Variants in MTCL2 observed in about 807,000 individuals in gnomAD.
MTCL2 encodes microtubule cross-linking factor 2.
chr20:36,783,822 C>A, the MTCL2 span: 11 of 985,160 alleles, frequency 1.1e-5, no homozygotes, highest in Non-Finnish European at 4.8e-6. Context: ...TCCCCCCACC[C>A]CAAAAAAGAA....
the MTCL2 span, among the ~76,000 whole-genome samples, chr20:36,797,960 G>A: frequency 2.0e-5 from 3 of 152,128 alleles, no homozygotes; most frequent in East Asian, 1.9e-4. Flanking sequence ...TATGGATCTC[G>A]GCACTTTTTC....
At chr20:36,807,663 G>A in the MTCL2 span, among the ~76,000 whole-genome samples, 7 of 151,954 alleles carry the variant, frequency 4.6e-5, no homozygotes, top group Admixed American at 3.3e-4. Flanking sequence ...CCGCCCCCAC[G>A]TTTCCTGCCA....
the MTCL2 span, chr20:36,797,558 C>G: frequency 6.4e-7 from 1 of 1,556,882 alleles, no homozygotes; most frequent in Non-Finnish European, 8.7e-7. Context: ...ACCCAGGGGT[C>G]GGCAGCCTTC....
chr20:36,795,170 C>T, the MTCL2 span, among the ~76,000 whole-genome samples: 4 of 152,102 alleles, frequency 2.6e-5, no homozygotes, highest in Non-Finnish European at 4.4e-5. Flanking sequence ...AACTCCTGAC[C>T]TCAGGTGATC....
chr20:36,848,363 G>A, the MTCL2 span, among the ~76,000 whole-genome samples: 3 of 152,174 alleles, frequency 2.0e-5, no homozygotes, highest in Non-Finnish European at 4.4e-5. Context: ...TGCTCCCCTC[G>A]ATGGACTGAT....
At chr20:36,837,563 A>C in the MTCL2 span, among the ~76,000 whole-genome samples, 1 of 147,764 alleles carries the variant, frequency 6.8e-6, no homozygotes, top group South Asian at 2.1e-4. Flanking sequence ...TATTATTATT[A>C]TTATTATTAT....
chr20:36,798,512 G>A, the MTCL2 span, among the ~76,000 whole-genome samples: 216 of 152,322 alleles, frequency 1.4e-3, no homozygotes, highest in Non-Finnish European at 2.7e-3. Context: ...TCCCATTGTT[G>A]GTGGCTCCAT....
chr20:36,806,727 C>T, the MTCL2 span, among the ~76,000 whole-genome samples: 5 of 152,124 alleles, frequency 3.3e-5, no homozygotes, highest in African/African-American at 1.2e-4. Flanking sequence ...ATCACGTTGA[C>T]CAGACTGGTC....
the MTCL2 span, among the ~76,000 whole-genome samples, chr20:36,790,182 G>A: frequency 0.15 from 23,146 of 150,544 alleles, 1,907 homozygotes; most frequent in Admixed American, 0.22. Flanking sequence ...TAGTAGAGAC[G>A]GGGTTTCACT....
chr20:36,799,494 A>AAAATAAATAAATAAAT, the MTCL2 span, among the ~76,000 whole-genome samples: 4 of 147,008 alleles, frequency 2.7e-5, no homozygotes, highest in African/African-American at 7.7e-5. Flanking sequence ...CTCCATCTCA[A>AAAATAAATAAATAAAT]AAATAAATAA....
the MTCL2 span, chr20:36,777,829 T>C: frequency 1.6e-6 from 1 of 623,096 alleles, no homozygotes; most frequent in Admixed American, 3.6e-5. Context: ...GGGCAGCTTC[T>C]GGCTCTCTTC....
At chr20:36,839,095 A>C in the MTCL2 span, 1 of 833,390 alleles carries the variant, frequency 1.2e-6, no homozygotes, top group South Asian at 1.7e-5. This position sits in a 1 kb window ranked among gnomAD's most constrained non-coding sequence, Gnocchi z 5.1. Flanking sequence ...GAGGAAACTG[A>C]GGCCCAGAGA....
At chr20:36,846,137 C>CAG in the MTCL2 span, among the ~76,000 whole-genome samples, 1 of 151,108 alleles carries the variant, frequency 6.6e-6, no homozygotes, top group Non-Finnish European at 1.5e-5. Flanking sequence ...ATTTGGGAGG[C>CAG]AGAGGTTGTA....
chr20:36,816,410 G>C, the MTCL2 span: 1 of 997,114 alleles, frequency 1.0e-6, no homozygotes, highest in Non-Finnish European at 1.5e-6. Flanking sequence ...ACACAGGGAT[G>C]AATCAGACAC....
the MTCL2 span, chr20:36,793,558 G>C: frequency 7.1e-6 from 11 of 1,551,698 alleles, no homozygotes; most frequent in Non-Finnish European, 9.6e-6. The surrounding 1 kb of genome is among the most constrained non-coding windows in gnomAD (Gnocchi z 6.8). Context: ...CTAGTTTCCA[G>C]ACAGACTCCG....
the MTCL2 span, among the ~76,000 whole-genome samples, chr20:36,789,881 G>C: frequency 2.6e-5 from 4 of 151,970 alleles, no homozygotes; most frequent in Non-Finnish European, 5.9e-5. Flanking sequence ...GGAGTGCAGT[G>C]GTGCGATATT....
chr20:36,857,491 G>C, the MTCL2 span, among the ~76,000 whole-genome samples: 1 of 152,148 alleles, frequency 6.6e-6, no homozygotes, highest in Non-Finnish European at 1.5e-5. Context: ...GCAAGTGGCT[G>C]TGTGTCTCTG....
the MTCL2 span, chr20:36,793,819 G>A: frequency 6.5e-7 from 1 of 1,543,010 alleles, no homozygotes; most frequent in Non-Finnish European, 8.7e-7. The surrounding 1 kb of genome is among the most constrained non-coding windows in gnomAD (Gnocchi z 6.8). Flanking sequence ...TGTCCAGGGA[G>A]GAGGAGATCT....
At chr20:36,850,567 C>A in the MTCL2 span, among the ~76,000 whole-genome samples, 1 of 151,902 alleles carries the variant, frequency 6.6e-6, no homozygotes, top group South Asian at 2.1e-4. Context: ...CCACCAAAAG[C>A]CTCCCTGACT....
Sources: gnomAD v4.1 joint callset for allele counts (sites outside exome capture counted in the v4.1 genomes callset) on GRCh38, gnomAD v4.1.1 for gene constraint, Gnocchi (gnomAD v3.1) non-coding constraint, MANE v1.5 for transcripts, NCBI Gene and HGNC (gene_info 2026-07-23, HGNC 2026-07-21) for gene names.